PLCXD3: variants seen among roughly 807,000 people sequenced by gnomAD.
The protein encoded by PLCXD3 is PI-PLC X domain-containing protein 3.
A neutral mutation model predicts 25.5 loss-of-function variants in PLCXD3; 19 were observed. The observed-to-expected ratio is 0.75, with a 90% CI of 0.52 to 1.09. The LOEUF (loss-of-function observed/expected upper bound fraction) is 1.09. Ranked by LOEUF, PLCXD3 falls within the 50% of genes least tolerant of loss-of-function variation. The pLI is 0.00. For missense variants in PLCXD3, 411 were observed against 388.1 expected (o/e 1.06, Z -0.50); for synonymous variants, 174 against 137.6 (o/e 1.26, Z -1.85).
chr5:41,451,483 C>T (rs145055329), intron 1 of PLCXD3, among the ~76,000 whole-genome samples: 16 of 152,068 alleles, frequency 1.1e-4, no homozygotes, highest in African/African-American at 3.1e-4. Flanking sequence ...AACACTCTAG[C>T]AGAAAAGATG....
chr5:41,309,759 C>G lies in PLCXD3; in HGVS notation c.*3858G>C, dbSNP rs1457990792. The G allele has an allele frequency of 1.3e-5, 2 of 152,116 alleles. No individual in the cohort carries two copies. Among genetic ancestry groups the G allele is most frequent in the Admixed American group, 6.6e-5 (1 of 15,258 alleles). The allele number at this position is 152,116 out of a possible 1,614,324, so 9.4% of individuals were successfully genotyped here. On this transcript the variant is annotated 3_prime_UTR_variant, in exon 3 of 3. Transcript: ENST00000377801. ...TATATTCTAGTCCATTATGGATTCT[C>G]TAATTTGAAGTGAAATTGAGAATTT...
At chr5:41,419,294 C>A (rs1746761504) in intron 1 of PLCXD3, among the ~76,000 whole-genome samples, 1 of 152,048 alleles carries the variant, frequency 6.6e-6, no homozygotes, top group Admixed American at 6.5e-5. Flanking sequence ...ATCAGGAATT[C>A]CAAGGCTTCG....
chr5:41,439,106 G>A (rs954051044), intron 1 of PLCXD3, among the ~76,000 whole-genome samples: 27 of 152,140 alleles, frequency 1.8e-4, no homozygotes, highest in African/African-American at 5.6e-4. Flanking sequence ...TTCCATTGAA[G>A]GGAGACCAAG....
chr5:41,417,491 C>A (rs1249644103), intron 1 of PLCXD3, among the ~76,000 whole-genome samples: 1 of 152,180 alleles, frequency 6.6e-6, no homozygotes, highest in East Asian at 1.9e-4. Context: ...TTCTACCCAG[C>A]AAGGCAAGAA....
At chr5:41,374,794 G>C (rs531042421) in intron 2 of PLCXD3, among the ~76,000 whole-genome samples, 2 of 152,198 alleles carry the variant, frequency 1.3e-5, no homozygotes, top group East Asian at 3.9e-4. Flanking sequence ...ATTGTCAGCT[G>C]CTCTGCTCTG....
At position 41,308,407 on chromosome 5, in the gene PLCXD3, G is replaced by A. The variant is rs930160943; in HGVS notation, c.*5210C>T. 2.0e-5 allele frequency: 3 copies of A among 152,050 alleles called. No homozygotes were observed. Among genetic ancestry groups the A allele is most frequent in the African/African-American group, 7.2e-5 (3 of 41,408 alleles). The allele number at this position is 152,050 out of a possible 1,614,324, so 9.4% of individuals were successfully genotyped here. ...ACCTGGCAACTCTAAATATTGAAAA[G>A]GAATAACTAAGGATGGAGAAAGAAA... On this transcript the variant is annotated 3_prime_UTR_variant, in exon 3 of 3. Coordinates refer to ENST00000377801, the MANE Select transcript of PLCXD3 (RefSeq NM_001005473.3).
chr5:41,374,744 T>C (rs1206083097), intron 2 of PLCXD3, among the ~76,000 whole-genome samples: 11 of 152,116 alleles, frequency 7.2e-5, no homozygotes, highest in Admixed American at 6.6e-4. Flanking sequence ...CTTGAGGAGA[T>C]CGCTTTCCCT....
At chr5:41,319,417 G>T (rs1376992985) in intron 2 of PLCXD3, among the ~76,000 whole-genome samples, 1 of 152,080 alleles carries the variant, frequency 6.6e-6, no homozygotes, top group African/African-American at 2.4e-5. Flanking sequence ...CATCTTCTCT[G>T]ACCACAATGG....
chr5:41,493,045 TC>T (rs1259191252), intron 1 of PLCXD3, among the ~76,000 whole-genome samples: 2 of 152,212 alleles, frequency 1.3e-5, no homozygotes, highest in African/African-American at 4.8e-5. Context: ...TCTGTTTTTT[TC>T]CCCATCTTTG....
At chr5:41,357,173 G>T (rs1744643307) in intron 2 of PLCXD3, among the ~76,000 whole-genome samples, 1 of 152,186 alleles carries the variant, frequency 6.6e-6, no homozygotes, top group Non-Finnish European at 1.5e-5. Flanking sequence ...TCAGAACAGT[G>T]CCTTGTCAAC....
At chr5:41,358,450 C>T (rs1380794494) in intron 2 of PLCXD3, among the ~76,000 whole-genome samples, 1 of 152,044 alleles carries the variant, frequency 6.6e-6, no homozygotes, top group East Asian at 1.9e-4. Context: ...TATTCCTCAC[C>T]CCCACTCCCG....
chr5:41,317,980 C>G (rs1466924855), intron 2 of PLCXD3, among the ~76,000 whole-genome samples: 3 of 151,846 alleles, frequency 2.0e-5, no homozygotes, highest in Admixed American at 6.6e-5. Flanking sequence ...ACTTCCCAAA[C>G]TTAGAGAAAG....
At chr5:41,500,585 C>T (rs539271446) in intron 1 of PLCXD3, among the ~76,000 whole-genome samples, 12 of 151,810 alleles carry the variant, frequency 7.9e-5, no homozygotes, top group African/African-American at 1.9e-4. Context: ...CACACAAACA[C>T]GCAACTTAAA....
chr5:41,508,510 T>C (rs1738933208), intron 1 of PLCXD3, among the ~76,000 whole-genome samples: 1 of 152,178 alleles, frequency 6.6e-6, no homozygotes, highest in Admixed American at 6.5e-5. Context: ...GACATGGAGG[T>C]AATAGTGCCA....
intron 1 of PLCXD3, among the ~76,000 whole-genome samples, chr5:41,507,586 T>A (rs1050229324): frequency 6.6e-6 from 1 of 152,190 alleles, no homozygotes; most frequent in African/African-American, 2.4e-5. Flanking sequence ...GTGGGGAATA[T>A]CACACAGTTG....
chr5:41,400,994 T>C (rs1036180041), intron 1 of PLCXD3, among the ~76,000 whole-genome samples: 1 of 54,514 alleles, frequency 1.8e-5, no homozygotes, highest in South Asian at 5.2e-4. Flanking sequence ...CATGAAAATT[T>C]TAAAAAGCTA....
Position 41,411,807 on chromosome 5 carries a change from G to GAT in PLCXD3, c.104-29275_104-29274dup, listed in dbSNP as rs547624889. ...TTGGTCATATAGAGTATTGATCATG[G>GAT]ATATATATATGTCCATATTGATATC... On this transcript the variant is annotated intron_variant, in intron 1 of 2. Transcript: ENST00000377801. Among the ~76,000 whole-genome samples, 153 of 146,610 alleles carry GAT rather than the reference G, an allele frequency of 1.0e-3. 1 individual carries two copies. Among genetic ancestry groups the GAT allele is most frequent in the Middle Eastern group, 7.2e-3 (2 of 276 alleles).
chr5:41,432,450 G>A (rs1257592805), intron 1 of PLCXD3, among the ~76,000 whole-genome samples: 2 of 152,150 alleles, frequency 1.3e-5, no homozygotes, highest in Admixed American at 6.5e-5. Flanking sequence ...AGTGGATGGG[G>A]GGATGGAGAA....
intron 1 of PLCXD3, among the ~76,000 whole-genome samples, chr5:41,385,011 A>C (rs145570785): frequency 6.6e-6 from 1 of 152,240 alleles, no homozygotes; most frequent in African/African-American, 2.4e-5. Flanking sequence ...AGAAATATAT[A>C]ATATAGTGTT....
Sources: gnomAD v4.1 joint callset for allele counts (sites outside exome capture counted in the v4.1 genomes callset) on GRCh38, gnomAD v4.1.1 for gene constraint, MANE v1.5 for transcripts, NCBI Gene and HGNC (gene_info 2026-07-23, HGNC 2026-07-21) for gene names.